CNTFR: variants seen among roughly 807,000 people sequenced by gnomAD.
CNTFR encodes ciliary neurotrophic factor receptor.
In CNTFR, 12 loss-of-function variants were observed where a neutral mutation model predicts 40.4. That is an observed-to-expected ratio of 0.30 (90% CI 0.19 to 0.48). The LOEUF is 0.48. Ranked by LOEUF, CNTFR falls within the 20% of genes least tolerant of loss-of-function variation. The pLI, the probability that CNTFR is intolerant of heterozygous loss-of-function variation, is 0.99. For synonymous variants in CNTFR, 202 were observed against 209.6 expected, an observed-to-expected ratio of 0.96 and a Z score of 0.31; for missense variants, 414 against 506.8, an observed-to-expected ratio of 0.82 and a Z score of 1.76.
rs551710153 is a variant in CNTFR, at chr9:34,584,466, G to A, written c.-111-3261C>T. Among the ~76,000 whole-genome samples, 14 of 152,256 alleles carry A rather than the reference G, an allele frequency of 9.2e-5. No homozygotes were observed. The South Asian group carries it at 1.5e-3, about 16-fold the overall frequency. On this transcript the variant is annotated intron_variant, in intron 1 of 9. Coordinates refer to ENST00000378980, the MANE Select transcript of CNTFR (RefSeq NM_147164.3). Reference sequence around the variant, plus strand: ...TGCAGCCACTGCCACACTGGCCCACGCCAGCAACTCCTGGGCTCTGGCTGG... The same window carrying A: ...TGCAGCCACTGCCACACTGGCCCACACCAGCAACTCCTGGGCTCTGGCTGG...
intron 4 of CNTFR, among the ~76,000 whole-genome samples, chr9:34,559,086 C>T (rs1365731633): frequency 6.6e-6 from 1 of 152,156 alleles, no homozygotes; most frequent in Non-Finnish European, 1.5e-5. Flanking sequence ...CCTCCTGTGC[C>T]TCCCCCCTCC....
rs1827663013 is a variant in CNTFR at position 34,589,014 on chromosome 9, G to A, written c.-112+541C>T. On this transcript the variant is annotated intron_variant, in intron 1 of 9. Coordinates refer to ENST00000378980, the MANE Select transcript of CNTFR (RefSeq NM_147164.3). The surrounding 1 kb of genome is among the most constrained non-coding windows in gnomAD (Gnocchi z 4.4). Reference sequence around the variant, plus strand: ...CCACTACATGGAGATACATCCAGGCGGACTGAAGAGAAAACCATGGGGACG... The same window carrying A: ...CCACTACATGGAGATACATCCAGGCAGACTGAAGAGAAAACCATGGGGACG... Among the ~76,000 whole-genome samples the A allele has an allele frequency of 1.3e-5, 2 of 152,128 alleles. No individual in the cohort carries two copies. Among genetic ancestry groups the A allele is most frequent in the South Asian group, 2.1e-4 (1 of 4,826 alleles).
chr9:34,583,717 C>A (rs1011745564), intron 1 of CNTFR, among the ~76,000 whole-genome samples: 2 of 152,172 alleles, frequency 1.3e-5, no homozygotes, highest in African/African-American at 2.4e-5. Context: ...CACGCTTGCC[C>A]CCAGCCCCCA....
chr9:34,589,079 G>A lies in CNTFR; in HGVS notation c.-112+476C>T, dbSNP rs1436974658. On this transcript the variant is annotated intron_variant, in intron 1 of 9. Coordinates refer to ENST00000378980, the MANE Select transcript of CNTFR (RefSeq NM_147164.3). This position sits in a 1 kb window ranked among gnomAD's most constrained non-coding sequence, Gnocchi z 4.4. ...CATGCACACACACACGCGCGCGCGG[G>A]CGCGCGGATTCACACGGACACACAT... Among the ~76,000 whole-genome samples the A allele has an allele frequency of 6.6e-6, 1 of 152,042 alleles. No homozygotes were observed. The highest frequency in any genetic ancestry group is 1.9e-4 in the East Asian group (1 of 5,162).
chr9:34,556,532 T>C, intron 6 of CNTFR, 114 bp from the exon 7 acceptor site: 1 of 1,019,466 alleles, frequency 9.8e-7, no homozygotes, highest in Non-Finnish European at 1.4e-6. Flanking sequence ...ATCAACATCA[T>C]AGTCAGCGTG....
intron 1 of CNTFR, among the ~76,000 whole-genome samples, chr9:34,586,636 G>A (rs1173969200): frequency 1.3e-5 from 2 of 152,232 alleles, no homozygotes; most frequent in Non-Finnish European, 2.9e-5. Context: ...AGGGGGATGG[G>A]TATGCATTGA....
intron 3 of CNTFR, among the ~76,000 whole-genome samples, chr9:34,568,610 G>A (rs527473907): frequency 1.3e-5 from 2 of 151,684 alleles, no homozygotes; most frequent in African/African-American, 4.8e-5. Flanking sequence ...TACAGGTCCC[G>A]CCCCAGCCTC....
At chr9:34,559,544 T>C (rs1300961992) in intron 4 of CNTFR, among the ~76,000 whole-genome samples, 5 of 152,178 alleles carry the variant, frequency 3.3e-5, no homozygotes, top group Non-Finnish European at 5.9e-5. Flanking sequence ...GTCCATCTCA[T>C]GTCGTTCCAT....
At position 34,551,603 on chromosome 9, in the gene CNTFR, G is replaced by C; in HGVS notation, c.*468C>G. 1 of 306,136 alleles carries C rather than the reference G, an allele frequency of 3.3e-6. No homozygotes were observed. Among genetic ancestry groups the C allele is most frequent in the South Asian group, 3.1e-5 (1 of 32,146 alleles). The allele number at this position is 306,136 out of a possible 1,614,324, so 19.0% of individuals were successfully genotyped here. A position where few individuals can be genotyped will look rare whatever the true frequency, so the allele number is the denominator to read the frequency against. On this transcript the variant is annotated 3_prime_UTR_variant, in exon 10 of 10. Transcript: ENST00000378980. ...TCAGGGGAGGGGTATACAAAACAGG[G>C]CAGAGGGGAGGGGACTGAAAATTGT...
intron 3 of CNTFR, among the ~76,000 whole-genome samples, chr9:34,568,660 A>C (rs1826422883): frequency 6.6e-6 from 1 of 151,538 alleles, no homozygotes. Context: ...ACCCTATGCC[A>C]CCCTAGTAAG....
chr9:34,572,762 T>C (rs1247280660), intron 2 of CNTFR, among the ~76,000 whole-genome samples: 1 of 152,234 alleles, frequency 6.6e-6, no homozygotes, highest in Admixed American at 6.5e-5. Flanking sequence ...CACAGGGATG[T>C]TGACAGTCAC....
chr9:34,572,705 TAAC>T (rs891712959), intron 2 of CNTFR, among the ~76,000 whole-genome samples: 5 of 152,196 alleles, frequency 3.3e-5, no homozygotes, highest in African/African-American at 1.2e-4. Context: ...TACACAATGA[TAAC>T]AACACCCATT....
At chr9:34,571,826 G>A (rs1367159157) in intron 2 of CNTFR, among the ~76,000 whole-genome samples, 3 of 152,020 alleles carry the variant, frequency 2.0e-5, no homozygotes, top group Admixed American at 6.5e-5. Flanking sequence ...GAGAGAGGAG[G>A]AGCTCTGAGT....
intron 1 of CNTFR, among the ~76,000 whole-genome samples, chr9:34,587,588 T>G (rs539607886): frequency 9.2e-5 from 14 of 152,274 alleles, no homozygotes; most frequent in African/African-American, 2.9e-4. Context: ...GGTCCCCGTG[T>G]GAGTCAATGT....
intron 2 of CNTFR, among the ~76,000 whole-genome samples, chr9:34,573,424 CAGGT>C (rs1413049338): frequency 6.6e-6 from 1 of 152,166 alleles, no homozygotes; most frequent in African/African-American, 2.4e-5. Flanking sequence ...CGCCGAGGCT[CAGGT>C]AGGCTCAGTC....
rs1252016432 is a variant in CNTFR at position 34,582,687 on chromosome 9, G to A, written c.-111-1482C>T. The A allele has an allele frequency of 5.3e-5, 8 of 152,284 alleles. 1 individual carries two copies. Among genetic ancestry groups the A allele is most frequent in the Admixed American group, 1.3e-4 (2 of 15,296 alleles). The allele number at this position is 152,284 out of a possible 1,614,324, so 9.4% of individuals were successfully genotyped here. A position where few individuals can be genotyped will look rare whatever the true frequency, so the allele number is the denominator to read the frequency against. On this transcript the variant is annotated intron_variant, in intron 1 of 9. Coordinates refer to ENST00000378980, the MANE Select transcript of CNTFR (RefSeq NM_147164.3). ...TAAAATAAGATGTTAGAGACAGGTG[G>A]TTGATAGTGACAGATACAGCCACAC...
chr9:34,569,339 C>T (rs1258680855), intron 2 of CNTFR, among the ~76,000 whole-genome samples: 1 of 152,106 alleles, frequency 6.6e-6, no homozygotes, highest in African/African-American at 2.4e-5. Context: ...TTCGATAAGA[C>T]TAGTGGCTAC....
In CNTFR at chr9:34,551,983, G is replaced by C; in HGVS notation, c.*88C>G. 1.2e-6 allele frequency: 1 copy of C among 807,024 alleles called. No homozygotes were observed. The highest frequency in any genetic ancestry group is 1.4e-5 in the South Asian group (1 of 69,512). 50.0% of individuals were successfully genotyped at this position (807,024 alleles called of 1,614,324 possible). A position where few individuals can be genotyped will look rare whatever the true frequency, so the allele number is the denominator to read the frequency against. ...GAATGCAAAAGGTCCTCCTGCCCGT[G>C]TGCAAAATAGAAACCGGGGTCTGCA... is the stretch of plus-strand genomic sequence containing the variant. On this transcript the variant is annotated 3_prime_UTR_variant, in exon 10 of 10. Coordinates refer to ENST00000378980, the MANE Select transcript of CNTFR (RefSeq NM_147164.3).
intron 2 of CNTFR, among the ~76,000 whole-genome samples, chr9:34,578,899 G>A (rs1827134674): frequency 1.3e-5 from 2 of 152,214 alleles, no homozygotes; most frequent in South Asian, 4.1e-4. Context: ...GTTACTTTCT[G>A]CATTTGGGAT....
Sources: gnomAD v4.1 joint callset for allele counts (sites outside exome capture counted in the v4.1 genomes callset) on GRCh38, gnomAD v4.1.1 for gene constraint, Gnocchi (gnomAD v3.1) non-coding constraint, MANE v1.5 for transcripts, NCBI Gene and HGNC (gene_info 2026-07-23, HGNC 2026-07-21) for gene names.